SEC24B: variants seen among roughly 807,000 people sequenced by gnomAD.
SEC24B encodes the protein SEC24 homolog B, COPII component.
In SEC24B, 45 loss-of-function variants were observed where a neutral mutation model predicts 142.8. That is an observed-to-expected ratio of 0.32 (90% CI 0.25 to 0.40). The LOEUF (loss-of-function observed/expected upper bound fraction) is 0.40. Among genes scored for constraint, SEC24B ranks in the 10% least tolerant of loss-of-function variants. The pLI, the probability that SEC24B is intolerant of heterozygous loss-of-function variation, is 1.00. For synonymous variants in SEC24B, 574 were observed against 568.2 expected (o/e 1.01, Z -0.15); for missense variants, 1,409 against 1,526.8 (o/e 0.92, Z 1.29).
chr4:109,481,304 C>G (rs1440016639), intron 3 of SEC24B, among the ~76,000 whole-genome samples: 4 of 152,108 alleles, frequency 2.6e-5, no homozygotes, highest in Admixed American at 2.6e-4. Flanking sequence ...GATCACTGCC[C>G]ACCAAAAATG....
intron 1 of SEC24B, chr4:109,451,042 A>T (rs1051483077): frequency 2.6e-5 from 4 of 152,080 alleles, no homozygotes; most frequent in Non-Finnish European, 5.9e-5. Flanking sequence ...AGTAGCTGGG[A>T]TTACAAATAT....
chr4:109,520,199 G>T (rs1288265165), intron 11 of SEC24B, among the ~76,000 whole-genome samples, 167 bp from the exon 12 acceptor site: 1 of 151,992 alleles, frequency 6.6e-6, no homozygotes, highest in East Asian at 1.9e-4. Context: ...TTTTCACCTT[G>T]GTCTTCTTCT....
intron 2 of SEC24B, among the ~76,000 whole-genome samples, chr4:109,467,451 A>AT (rs1233601216): frequency 6.6e-6 from 1 of 152,184 alleles, no homozygotes; most frequent in African/African-American, 2.4e-5. Context: ...CCATTTAAAA[A>AT]TTTTAAAACT....
intron 1 of SEC24B, among the ~76,000 whole-genome samples, chr4:109,455,180 C>A (rs1263015850): frequency 6.6e-6 from 1 of 152,144 alleles, no homozygotes; most frequent in Non-Finnish European, 1.5e-5. Flanking sequence ...AGTAAGAATT[C>A]ATTGTCAATC....
Position 109,472,996 on chromosome 4 carries a change from C to G in SEC24B, c.878-8C>G, listed in dbSNP as rs1488856450. The G allele has an allele frequency of 6.7e-7, 1 of 1,485,802 alleles. No individual in the cohort carries two copies. Among genetic ancestry groups the G allele is most frequent in the Non-Finnish European group, 8.9e-7 (1 of 1,118,206 alleles). 92.0% of individuals were successfully genotyped at this position (1,485,802 alleles called of 1,614,324 possible). On this transcript the variant is annotated splice_polypyrimidine_tract_variant and splice_region_variant and intron_variant, in intron 2 of 23. Coordinates refer to ENST00000265175, the MANE Select transcript of SEC24B (RefSeq NM_006323.5). Reference sequence around the variant, plus strand: ...GTTTCTGTGGATGAAATAGTTTCTTCTCTTCAGTTGCAGATTCTTTATCCT... The same window carrying G: ...GTTTCTGTGGATGAAATAGTTTCTTGTCTTCAGTTGCAGATTCTTTATCCT...
chr4:109,525,029 A>G, intron 15 of SEC24B, 88 bp downstream of exon 15: 1 of 1,250,852 alleles, frequency 8.0e-7, no homozygotes, highest in Non-Finnish European at 1.1e-6. Flanking sequence ...CATTCTCTAT[A>G]TTTTAGGGAG....
At chr4:109,526,190 T>C (rs1561180043) in intron 16 of SEC24B, 36 bp from the exon 17 acceptor site, 1 of 1,597,422 alleles carries the variant, frequency 6.3e-7, no homozygotes, top group Non-Finnish European at 8.6e-7. Context: ...AAGATACTAT[T>C]GTTAACTTGA....
intron 5 of SEC24B, among the ~76,000 whole-genome samples, chr4:109,494,051 C>T (rs1276656383): frequency 4.6e-5 from 7 of 152,058 alleles, no homozygotes; most frequent in African/African-American, 1.7e-4. Context: ...TAGTTGGCAC[C>T]CTTTTTATTG....
intron 1 of SEC24B, among the ~76,000 whole-genome samples, chr4:109,438,157 G>A (rs1303482028): frequency 6.6e-6 from 1 of 152,112 alleles, no homozygotes; most frequent in Non-Finnish European, 1.5e-5. Flanking sequence ...TGTGAGGGTG[G>A]CAGTTTTTTC....
intron 22 of SEC24B, among the ~76,000 whole-genome samples, chr4:109,535,253 G>T (rs1339690582): frequency 6.6e-6 from 1 of 151,874 alleles, no homozygotes. Context: ...TTTAACTTTG[G>T]GTTTAAATTA....
chr4:109,510,006 C>A lies in SEC24B; in HGVS notation c.1674-3C>A. On this transcript the variant is annotated splice_region_variant and splice_polypyrimidine_tract_variant and intron_variant, in intron 7 of 23. Coordinates refer to ENST00000265175, the MANE Select transcript of SEC24B (RefSeq NM_006323.5). ...TCCTCCATGTTGTTTATGTTTTTTG[C>A]AGTTCATTTCGGTGTACTTTGACAA... is the stretch of plus-strand genomic sequence containing the variant. The A allele has an allele frequency of 6.4e-7, 1 of 1,574,520 alleles. No individual in the cohort carries two copies. Among genetic ancestry groups the A allele is most frequent in the Non-Finnish European group, 8.6e-7 (1 of 1,157,284 alleles).
At chr4:109,456,597 T>C (rs1240469400) in intron 1 of SEC24B, among the ~76,000 whole-genome samples, 2 of 152,164 alleles carry the variant, frequency 1.3e-5, no homozygotes, top group Admixed American at 1.3e-4. Context: ...TGAGAGTTTT[T>C]ATCATGAATG....
chr4:109,450,430 C>T (rs771031908), intron 1 of SEC24B, among the ~76,000 whole-genome samples: 23 of 151,862 alleles, frequency 1.5e-4, no homozygotes, highest in African/African-American at 3.4e-4. Context: ...GAGGCAGAGG[C>T]GGGTGGATGA....
intron 3 of SEC24B, among the ~76,000 whole-genome samples, chr4:109,479,276 A>C (rs777835893): frequency 8.5e-5 from 13 of 152,142 alleles, no homozygotes; most frequent in Admixed American, 2.0e-4. Flanking sequence ...AGATAGAATA[A>C]ATTATGATAT....
chr4:109,500,798 G>A (rs1736050911), intron 6 of SEC24B, among the ~76,000 whole-genome samples: 2 of 151,842 alleles, frequency 1.3e-5, no homozygotes, highest in Admixed American at 1.3e-4. Flanking sequence ...GAGGATTACA[G>A]GCGCCTGCCA....
At position 109,540,381 on chromosome 4, in the gene SEC24B, T is replaced by C. The variant is rs912587298; in HGVS notation, c.*706T>C. The C allele has an allele frequency of 6.6e-6, 1 of 152,632 alleles. No individual in the cohort carries two copies. Among genetic ancestry groups the C allele is most frequent in the Non-Finnish European group, 1.5e-5 (1 of 68,034 alleles). 9.5% of individuals were successfully genotyped at this position (152,632 alleles called of 1,614,324 possible). Reference sequence around the variant, plus strand: ...TTGAGTCCACAAAGGAACACAAAACTCTTTGTAATTCTGTTAAATCTTTTA... The same window carrying C: ...TTGAGTCCACAAAGGAACACAAAACCCTTTGTAATTCTGTTAAATCTTTTA... On this transcript the variant is annotated 3_prime_UTR_variant, in exon 24 of 24. Coordinates refer to ENST00000265175, the MANE Select transcript of SEC24B (RefSeq NM_006323.5).
intron 1 of SEC24B, among the ~76,000 whole-genome samples, chr4:109,444,472 A>T (rs1338511739): frequency 8.6e-5 from 11 of 128,262 alleles, no homozygotes; most frequent in South Asian, 2.6e-4. Context: ...AGATCCTGTG[A>T]TTTTTTTTTT....
intron 3 of SEC24B, among the ~76,000 whole-genome samples, chr4:109,480,787 C>A (rs1733661242): frequency 6.6e-6 from 1 of 152,180 alleles, no homozygotes; most frequent in African/African-American, 2.4e-5. Context: ...CCTTCATTTT[C>A]AATTAAGATA....
chr4:109,500,331 G>A lies in SEC24B; in HGVS notation c.1488+5475G>A, dbSNP rs181220976. On this transcript the variant is annotated intron_variant, in intron 6 of 23. Transcript: ENST00000265175. Reference sequence around the variant, plus strand: ...GGCTGAGGTGGGTGGATCACCTGAGGTCAGGAGTTTGAGACCAGCCTGGCC... The same window carrying A: ...GGCTGAGGTGGGTGGATCACCTGAGATCAGGAGTTTGAGACCAGCCTGGCC... 4.8e-3 allele frequency among the ~76,000 whole-genome samples: 731 copies of A among 152,120 alleles called. 4 individuals carry two copies. The highest frequency in any genetic ancestry group is 0.017 in the African/African-American group (709 of 41,520).
Sources: gnomAD v4.1 joint callset for allele counts (sites outside exome capture counted in the v4.1 genomes callset) on GRCh38, gnomAD v4.1.1 for gene constraint, MANE v1.5 for transcripts, NCBI Gene and HGNC (gene_info 2026-07-23, HGNC 2026-07-21) for gene names.